The following GON4L variants were observed in gnomAD, a reference collection of about 807,000 sequenced individuals.
GON4L encodes gon-4 like.
In GON4L, 87 loss-of-function variants were observed where a neutral mutation model predicts 211.8. The ratio of observed to expected loss-of-function variants is 0.41; its 90% CI spans 0.35 to 0.49. GON4L has a LOEUF of 0.49. Among genes scored for constraint, GON4L ranks in the 20% least tolerant of loss-of-function variants. GON4L has a pLI of 0.15. For missense variants in GON4L, 2,155 were observed against 2,659.5 expected, an observed-to-expected ratio of 0.81 and a Z score of 4.17; for synonymous variants, 875 against 962.6, an observed-to-expected ratio of 0.91 and a Z score of 1.68.
At chr1:155,851,008 C>G in intron 2 of GON4L, among the ~76,000 whole-genome samples, 1 of 120,460 alleles carries the variant, frequency 8.3e-6, no homozygotes. Flanking sequence ...GAGATGAGAT[C>G]GTGCCACTGC....
intron 2 of GON4L, among the ~76,000 whole-genome samples, chr1:155,848,907 G>A (rs1671498369): frequency 6.6e-6 from 1 of 152,116 alleles, no homozygotes; most frequent in Admixed American, 6.6e-5. Context: ...CAGCACTTTG[G>A]GAGGCCGAGG....
chr1:155,822,381 A>G lies in GON4L; in HGVS notation c.793T>C (p.Tyr265His). 6.2e-7 allele frequency: 1 copy of G among 1,613,910 alleles called. No homozygotes were observed. The change falls in exon 4 of 32, where the codon TAT becomes CAT. Residue 265 changes from tyrosine (Y) to histidine (H), a missense_variant. Around this residue, in one of 6 missense-constraint regions of GON4L, gnomAD observed 551 missense variants for 854.0 expected, o/e 0.65. Transcript: ENST00000368331. ...AGCATGTCATCCAGTTTCAGGTCAT[A>G]TGCCAAGGTCCCTTCTTGACCCCTT... ...DGRGQEGTLA[Y>H]DLKLDDMLDR...
At chr1:155,754,067 C>T (rs920195474) in intron 28 of GON4L, 12 of 392,604 alleles carry the variant, frequency 3.1e-5, no homozygotes, top group Non-Finnish European at 4.3e-5. Context: ...TTCTAGAGAA[C>T]CAGGATTACT....
intron 12 of GON4L, among the ~76,000 whole-genome samples, chr1:155,791,549 C>CT (rs904411998): frequency 4.0e-4 from 58 of 146,608 alleles, no homozygotes; most frequent in Admixed American, 9.6e-4. Context: ...GAATAAATTG[C>CT]TTTTTTTTTT....
chr1:155,756,199 T>G (rs902900810), intron 27 of GON4L, among the ~76,000 whole-genome samples: 2 of 152,156 alleles, frequency 1.3e-5, no homozygotes, highest in South Asian at 2.1e-4. Context: ...TCCATTAAAA[T>G]ACTTCCCAGA....
At chr1:155,837,853 T>A (rs1442602951) in intron 2 of GON4L, among the ~76,000 whole-genome samples, 1 of 152,224 alleles carries the variant, frequency 6.6e-6, no homozygotes, top group Non-Finnish European at 1.5e-5. Flanking sequence ...AAAAAAAGTT[T>A]AGCCATGTGA....
chr1:155,803,240 TC>T (rs1298361047), intron 11 of GON4L, among the ~76,000 whole-genome samples: 1 of 151,836 alleles, frequency 6.6e-6, no homozygotes, highest in African/African-American at 2.4e-5. Context: ...TCAGTCTATT[TC>T]TTTTTCTTTT....
intron 10 of GON4L, among the ~76,000 whole-genome samples, chr1:155,809,824 A>C (rs189196831): frequency 1.1e-4 from 2 of 18,110 alleles, no homozygotes; most frequent in African/African-American, 2.0e-4. Context: ...CTTATATATA[A>C]TTATAAATTA....
intron 3 of GON4L, among the ~76,000 whole-genome samples, chr1:155,825,726 G>A (rs563576035): frequency 5.9e-5 from 9 of 151,946 alleles, no homozygotes; most frequent in Non-Finnish European, 8.8e-5. Context: ...GTGGGGCTCC[G>A]TCTCTACAAA....
rs1431184845 is a variant in GON4L at position 155,813,737 on chromosome 1, G to C, written c.1349C>G (p.Pro450Arg). The change falls in exon 10 of 32, where the codon CCC becomes CGC. Residue 450 changes from proline to arginine, a missense_variant. Coordinates refer to ENST00000368331, the MANE Select transcript of GON4L (RefSeq NM_001282860.2). ...SAEVVPMGPP[P>R]PPKPKQTRDS... ...TCTGGTCTGTTTCGGCTTTGGAGGG[G>C]GCGGGGGCCCCATGGGCACTACCTC... The C allele has an allele frequency of 3.1e-6, 5 of 1,613,716 alleles. No homozygotes were observed. Among genetic ancestry groups the C allele is most frequent in the Non-Finnish European group, 4.2e-6 (5 of 1,179,588 alleles).
downstream of GON4L, chr1:155,748,257 G>T (rs1660334262): frequency 1.7e-6 from 2 of 1,207,932 alleles, no homozygotes; most frequent in South Asian, 1.5e-5. Flanking sequence ...TGGCCTCTCA[G>T]ATCACACTGT....
intron 10 of GON4L, among the ~76,000 whole-genome samples, chr1:155,813,118 A>C (rs1667941885): frequency 6.6e-6 from 1 of 152,112 alleles, no homozygotes; most frequent in African/African-American, 2.4e-5. Flanking sequence ...TCTGCTACAT[A>C]GTTCATTTCT....
chr1:155,769,615 T>C (rs577178213), intron 19 of GON4L, among the ~76,000 whole-genome samples: 1 of 152,008 alleles, frequency 6.6e-6, no homozygotes, highest in African/African-American at 2.4e-5. Context: ...CTGGGAATAA[T>C]TACATAATAA....
intron 2 of GON4L, among the ~76,000 whole-genome samples, chr1:155,852,516 C>T (rs1362128498): frequency 1.3e-5 from 2 of 152,084 alleles, no homozygotes; most frequent in South Asian, 2.1e-4. Flanking sequence ...CCAAGGCGGG[C>T]GGATCACGAG....
chr1:155,828,062 G>T (rs1385178993), intron 2 of GON4L, among the ~76,000 whole-genome samples: 1 of 151,976 alleles, frequency 6.6e-6, no homozygotes, highest in Non-Finnish European at 1.5e-5. Flanking sequence ...GGAGGGTGTG[G>T]TGGGAGAATC....
At chr1:155,754,192 T>C (rs1015943964) in intron 28 of GON4L, 183 bp downstream of exon 28, 1 of 657,744 alleles carries the variant, frequency 1.5e-6, no homozygotes, top group Non-Finnish European at 2.8e-6. Context: ...GAATTCTCTT[T>C]AAAAAACAAA....
At chr1:155,759,488 C>T (rs1661540250) in intron 24 of GON4L, among the ~76,000 whole-genome samples, 1 of 151,938 alleles carries the variant, frequency 6.6e-6, no homozygotes, top group African/African-American at 2.4e-5. Flanking sequence ...GCAGGAAAAT[C>T]GCTTGAACCC....
chr1:155,758,935 C>G (rs561521154), intron 24 of GON4L, among the ~76,000 whole-genome samples: 4 of 152,252 alleles, frequency 2.6e-5, no homozygotes, highest in African/African-American at 9.6e-5. Flanking sequence ...AGGGATCCTC[C>G]CACCTTAGCC....
intron 12 of GON4L, among the ~76,000 whole-genome samples, chr1:155,786,846 G>A (rs1191222639): frequency 6.6e-6 from 1 of 151,716 alleles, no homozygotes; most frequent in Non-Finnish European, 1.5e-5. Context: ...GGGCTCCAGC[G>A]ATCCTCCCAC....
Sources: gnomAD v4.1 joint callset for allele counts (sites outside exome capture counted in the v4.1 genomes callset) on GRCh38, gnomAD v4.1.1 for gene constraint, gnomAD v4.1.1 regional missense constraint, MANE v1.5 for transcripts, NCBI Gene and HGNC (gene_info 2026-07-23, HGNC 2026-07-21) for gene names.